GPR161: variants seen among roughly 807,000 people sequenced by gnomAD.
GPR161 encodes G protein-coupled receptor 161.
GPR161 carries 25 observed loss-of-function variants against 39.2 expected under a neutral mutation model. The ratio of observed to expected loss-of-function variants is 0.64; its 90% CI spans 0.47 to 0.89. GPR161 has a LOEUF of 0.89. GPR161 is among the 40% of genes least tolerant of loss of function. The pLI is 0.00. For synonymous variants in GPR161, 286 were observed against 276.6 expected, an observed-to-expected ratio of 1.03 and a Z score of -0.34; for missense variants, 547 against 677.8, an observed-to-expected ratio of 0.81 and a Z score of 2.14.
At chr1:168,136,461 TG>T in intron 1 of GPR161, 1 of 1,285,408 alleles carries the variant, frequency 7.8e-7, no homozygotes, top group Non-Finnish European at 9.9e-7. Context: ...CCCAGCAGAA[TG>T]GGGTGGGCCT....
At chr1:168,135,100 C>T (rs1274748889) in intron 1 of GPR161, 2 of 1,444,970 alleles carry the variant, frequency 1.4e-6, no homozygotes, top group African/African-American at 2.8e-5. Flanking sequence ...AAATGTCAAG[C>T]GGGCCTCTTA....
At chr1:168,086,569 C>A (rs1694517121) in intron 5 of GPR161, among the ~76,000 whole-genome samples, 1 of 152,188 alleles carries the variant, frequency 6.6e-6, no homozygotes, top group Non-Finnish European at 1.5e-5. Flanking sequence ...GGGGAGGACC[C>A]CCTGGCAGTG....
At chr1:168,091,298 G>T (rs1414362312) in intron 3 of GPR161, among the ~76,000 whole-genome samples, 1 of 152,196 alleles carries the variant, frequency 6.6e-6, no homozygotes, top group Non-Finnish European at 1.5e-5. Flanking sequence ...TGGTAGGAGA[G>T]GAGAGAGAGT....
chr1:168,126,220 T>C (rs183679525), intron 1 of GPR161, among the ~76,000 whole-genome samples: 12 of 152,292 alleles, frequency 7.9e-5, no homozygotes, highest in Middle Eastern at 6.8e-3. Context: ...GCATGCAGCC[T>C]GGGAGAGCTC....
intron 1 of GPR161, 55 bp downstream of exon 1, chr1:168,136,684 T>A (rs1699404817): frequency 1.8e-6 from 2 of 1,117,298 alleles, no homozygotes; most frequent in Non-Finnish European, 2.2e-6. Flanking sequence ...CCTGGCTCCA[T>A]CCGGACCGCC....
chr1:168,095,572 T>C (rs969980072), intron 3 of GPR161, among the ~76,000 whole-genome samples: 3 of 152,140 alleles, frequency 2.0e-5, no homozygotes, highest in Non-Finnish European at 4.4e-5. Flanking sequence ...ACCGGATCAG[T>C]CATCAGAGGA....
intron 3 of GPR161, among the ~76,000 whole-genome samples, chr1:168,094,002 C>T (rs1453920230): frequency 2.7e-5 from 4 of 147,718 alleles, no homozygotes; most frequent in Non-Finnish European, 1.5e-5. Flanking sequence ...TCCATAAGCT[C>T]TTCAGCCCAA....
Position 168,087,678 on chromosome 1 carries a change from A to G in GPR161, c.1231T>C (p.Tyr411His), listed in dbSNP as rs201461712. The G allele has an allele frequency of 1.8e-4, 290 of 1,613,854 alleles. No homozygotes were observed. The highest frequency in any genetic ancestry group is 1.9e-4 in the Non-Finnish European group (222 of 1,179,846). The part of the protein sequence containing the change: ...SGTDMMLLED[Y>H]TSDDNPPSHC... ...GAGGGAGGGTTGTCATCAGACGTGT[A>G]GTCCTCAAGCAGCATCATATCTGTC... is the stretch of plus-strand genomic sequence containing the variant. Residue 411 changes from tyrosine to histidine, a missense_variant, in exon 5 of 6, where the codon TAC (tyrosine) becomes CAC (histidine). Tyr to His is a moderately conservative substitution (Grantham distance 83). Transcript: ENST00000682931.
chr1:168,108,973 G>A (rs1396493694), intron 1 of GPR161, among the ~76,000 whole-genome samples: 1 of 152,150 alleles, frequency 6.6e-6, no homozygotes, highest in Non-Finnish European at 1.5e-5. Flanking sequence ...ACAGAATGGG[G>A]GGAGGTGAGA....
chr1:168,105,044 C>T (rs1263807002), intron 1 of GPR161, 150 bp from the exon 2 acceptor site: 8 of 613,148 alleles, frequency 1.3e-5, no homozygotes, highest in Admixed American at 5.9e-5. Context: ...CCCACGTAAG[C>T]GCTACATAAG....
intron 3 of GPR161, among the ~76,000 whole-genome samples, chr1:168,091,336 C>A (rs568813721): frequency 6.6e-6 from 1 of 152,144 alleles, no homozygotes; most frequent in Non-Finnish European, 1.5e-5. Context: ...GCGGCAGAAG[C>A]GACCCAGTAA....
intron 1 of GPR161, chr1:168,118,509 T>A (rs1222974370): frequency 1.3e-5 from 2 of 152,196 alleles, no homozygotes; most frequent in Non-Finnish European, 2.9e-5. Flanking sequence ...ATGGGTACAA[T>A]GTACGTTACT....
rs764126669 is a variant in GPR161 at position 168,098,249 on chromosome 1, A to C, written c.375-1017T>G. On this transcript the variant is annotated intron_variant, in intron 2 of 5. Transcript: ENST00000682931. This position sits in a 1 kb window ranked among gnomAD's most constrained non-coding sequence, Gnocchi z 4.1. ...TGGAGCTCCACCTGGCAGGAGAGAG[A>C]GTGCAGGATGGAGAGAGGAGGAGAG... Among the ~76,000 whole-genome samples, 6 of 152,112 alleles carry C rather than the reference A, an allele frequency of 3.9e-5. No individual in the cohort carries two copies. The highest frequency in any genetic ancestry group is 5.9e-5 in the Non-Finnish European group (4 of 68,008).
rs1211668759 is a variant in GPR161 at position 168,087,586 on chromosome 1, T to G, written c.1323A>C (p.Lys441Asn). 1 of 1,614,150 alleles carries G rather than the reference T, an allele frequency of 6.2e-7. No individual in the cohort carries two copies. Among genetic ancestry groups the G allele is most frequent in the South Asian group, 1.1e-5 (1 of 91,076 alleles). The change falls in exon 5 of 6, where the codon AAA (lysine) becomes AAC (asparagine). Residue 441 changes from lysine to asparagine, a missense_variant and splice_region_variant. Transcript: ENST00000682931. ...AAGCAATCAGTCACAGAAGCCAACC[T>G]TTGATTTGTTCCACTTCATCCTCAA... ...VTFEDEVEQI[K>N]EAAKNSILHV...
chr1:168,110,125 G>C (rs1379158592), intron 1 of GPR161, among the ~76,000 whole-genome samples: 3 of 152,136 alleles, frequency 2.0e-5, no homozygotes, highest in Non-Finnish European at 4.4e-5. Context: ...TGATGAAAGT[G>C]AGCACATAGC....
chr1:168,108,486 TAAAAA>T (rs10670498), intron 1 of GPR161, among the ~76,000 whole-genome samples: 405 of 17,468 alleles, frequency 0.023, 9 homozygotes, highest in Middle Eastern at 0.091. Context: ...GCCCTAGTTG[TAAAAA>T]AAAAAAAAAA....
intron 1 of GPR161, among the ~76,000 whole-genome samples, chr1:168,122,249 C>G (rs1183742628): frequency 6.6e-6 from 1 of 152,204 alleles, no homozygotes; most frequent in Non-Finnish European, 1.5e-5. Context: ...GCTCCTCATT[C>G]TCTTATGTCC....
At chr1:168,100,174 G>A (rs142909400) in intron 2 of GPR161, among the ~76,000 whole-genome samples, 1,891 of 133,902 alleles carry the variant, frequency 0.014, 23 homozygotes, top group Middle Eastern at 0.075. Flanking sequence ...CTCCACTGCT[G>A]CACTCCAGCC....
At chr1:168,106,071 G>A (rs1696591496) in intron 1 of GPR161, among the ~76,000 whole-genome samples, 1 of 151,478 alleles carries the variant, frequency 6.6e-6, no homozygotes, top group Admixed American at 6.6e-5. Context: ...AAGTGCCAGA[G>A]AGAAAGCTTC....
Sources: gnomAD v4.1 joint callset for allele counts (sites outside exome capture counted in the v4.1 genomes callset) on GRCh38, gnomAD v4.1.1 for gene constraint, Gnocchi (gnomAD v3.1) non-coding constraint, MANE v1.5 for transcripts, NCBI Gene and HGNC (gene_info 2026-07-23, HGNC 2026-07-21) for gene names.